The following FRMPD4 variants were observed in gnomAD, a reference collection of about 807,000 sequenced individuals.
FRMPD4 encodes the protein FERM and PDZ domain-containing protein 4.
In FRMPD4, 22 loss-of-function variants were observed where a neutral mutation model predicts 94.1. That is an observed-to-expected ratio of 0.23 (90% CI 0.17 to 0.33). The LOEUF (loss-of-function observed/expected upper bound fraction) is 0.33. Among genes scored for constraint, FRMPD4 ranks in the 10% least tolerant of loss-of-function variants. The pLI, the probability that FRMPD4 is intolerant of heterozygous loss-of-function variation, is 1.00. For missense variants in FRMPD4, 1,111 were observed against 1,339.9 expected (o/e 0.83, Z 2.67); for synonymous variants, 631 against 548.6 (o/e 1.15, Z -2.10).
At chrX:11,865,865 G>A (rs1387476314) in intron 2 of FRMPD4, among the ~76,000 whole-genome samples, 1 of 111,914 alleles carries the variant, frequency 8.9e-6, no homozygotes, top group Non-Finnish European at 1.9e-5. Context: ...CTATTATATG[G>A]CCAGGTCTCT....
chrX:12,643,374 C>T (rs957252921), intron 4 of FRMPD4, among the ~76,000 whole-genome samples: 20 of 111,368 alleles, frequency 1.8e-4, no homozygotes, highest in African/African-American at 5.9e-4. Context: ...CCACCTGCCT[C>T]GCCCTCCCAA....
At chrX:12,677,898 T>G (rs1167543565) in intron 5 of FRMPD4, among the ~76,000 whole-genome samples, 1 of 111,802 alleles carries the variant, frequency 8.9e-6, no homozygotes, top group Non-Finnish European at 1.9e-5. Flanking sequence ...AGTATTATGG[T>G]AGGCTTTCCC....
At chrX:12,568,012 A>G in intron 2 of FRMPD4, among the ~76,000 whole-genome samples, 2 of 111,812 alleles carry the variant, frequency 1.8e-5, no homozygotes, top group Middle Eastern at 9.2e-3. Context: ...TTATCTAATG[A>G]CAATCACAAA....
intron 3 of FRMPD4, among the ~76,000 whole-genome samples, chrX:12,119,390 T>C (rs2055436986): frequency 8.9e-6 from 1 of 112,372 alleles, no homozygotes; most frequent in Non-Finnish European, 1.9e-5. Context: ...AAAATGAACA[T>C]GTGACTGATA....
At chrX:12,016,833 C>T (rs2054607097) in intron 3 of FRMPD4, among the ~76,000 whole-genome samples, 1 of 111,780 alleles carries the variant, frequency 8.9e-6, no homozygotes, top group South Asian at 3.8e-4. Flanking sequence ...CTATGGACCT[C>T]AGCCTGTCCA....
At chrX:12,263,801 AAT>A (rs1491480370) in intron 1 of FRMPD4, among the ~76,000 whole-genome samples, 10 of 110,710 alleles carry the variant, frequency 9.0e-5, no homozygotes, top group African/African-American at 2.6e-4. Flanking sequence ...AAAAAAAAAA[AAT>A]TTTTCACAGC....
At chrX:12,016,716 AAGGTGAGGTATAT>A (rs2054606453) in intron 3 of FRMPD4, among the ~76,000 whole-genome samples, 2 of 112,212 alleles carry the variant, frequency 1.8e-5, no homozygotes, top group Non-Finnish European at 3.8e-5. Context: ...CTGCTTTTGG[AAGGTGAGGTATAT>A]AGGCCAAAGT....
At chrX:12,434,361 A>G (rs971685863) in intron 1 of FRMPD4, among the ~76,000 whole-genome samples, 3 of 111,714 alleles carry the variant, frequency 2.7e-5, no homozygotes, top group South Asian at 3.8e-4. Flanking sequence ...CTCTCCACCT[A>G]TAAAGATTTT....
At chrX:12,081,361 G>A (rs961054213) in intron 3 of FRMPD4, among the ~76,000 whole-genome samples, 26 of 111,515 alleles carry the variant, frequency 2.3e-4, no homozygotes, top group Admixed American at 2.9e-4. Context: ...CTTACTTACA[G>A]TTTAATATGA....
intron 3 of FRMPD4, among the ~76,000 whole-genome samples, chrX:11,978,343 A>T (rs929825120): frequency 1.9e-5 from 2 of 106,314 alleles, no homozygotes; most frequent in African/African-American, 6.8e-5. Context: ...AAAAAAAAAA[A>T]AAAAAAGTTC....
intron 1 of FRMPD4, among the ~76,000 whole-genome samples, chrX:12,390,363 T>G (rs2056458503): frequency 8.9e-6 from 1 of 112,531 alleles, no homozygotes; most frequent in Non-Finnish European, 1.9e-5. Context: ...CAGCTCCAGT[T>G]TATACCAAAT....
At chrX:12,712,194 G>A (rs2041998633) in intron 14 of FRMPD4, among the ~76,000 whole-genome samples, 1 of 102,433 alleles carries the variant, frequency 9.8e-6, no homozygotes, top group Admixed American at 1.1e-4. Context: ...ATGATGCTCA[G>A]CATTTCTATT....
intron 3 of FRMPD4, among the ~76,000 whole-genome samples, chrX:12,036,357 G>C (rs1226826603): frequency 8.9e-6 from 1 of 111,800 alleles, no homozygotes; most frequent in Admixed American, 9.5e-5. Context: ...AAAGGCAGAG[G>C]CATGAGAAAT....
At chrX:12,106,094 C>A (rs2055295078) in intron 3 of FRMPD4, among the ~76,000 whole-genome samples, 1 of 111,647 alleles carries the variant, frequency 9.0e-6, no homozygotes, top group Non-Finnish European at 1.9e-5. Context: ...AAGGGAGGAC[C>A]TGCGATAACA....
chrX:12,026,791 A>G (rs1187797503), intron 3 of FRMPD4, among the ~76,000 whole-genome samples: 1 of 112,522 alleles, frequency 8.9e-6, no homozygotes, highest in Non-Finnish European at 1.9e-5. Flanking sequence ...TAAGGAGGGA[A>G]AAAAAAACAT....
At chrX:12,312,590 T>C (rs1277073826) in intron 1 of FRMPD4, among the ~76,000 whole-genome samples, 1 of 111,084 alleles carries the variant, frequency 9.0e-6, no homozygotes, top group Non-Finnish European at 1.9e-5. Context: ...CTTTGTAGAT[T>C]TAAGGTGATG....
chrX:12,583,586 T>A, intron 2 of FRMPD4: 1 of 627,446 alleles, frequency 1.6e-6, no homozygotes, highest in Non-Finnish European at 2.4e-6. Flanking sequence ...CCGCACCAGC[T>A]GAGCCTCAGT....
chrX:12,665,504 A>T (rs1005136208), intron 4 of FRMPD4, among the ~76,000 whole-genome samples: 5 of 111,660 alleles, frequency 4.5e-5, no homozygotes, highest in African/African-American at 1.6e-4. Flanking sequence ...GCAACAGAGC[A>T]AGACTCTGTC....
chrX:12,218,237 T>C (rs2147752685), intron 1 of FRMPD4, among the ~76,000 whole-genome samples: 1 of 112,332 alleles, frequency 8.9e-6, no homozygotes, highest in Admixed American at 9.4e-5. Context: ...TGTATAATGA[T>C]AATTGATTTA....
Sources: allele counts gnomAD v4.1 joint callset (sites outside exome capture counted in the v4.1 genomes callset), GRCh38; gene constraint gnomAD v4.1.1; transcripts MANE v1.5; gene names NCBI Gene and HGNC (gene_info 2026-07-23, HGNC 2026-07-21).